PDCD6: variants seen among roughly 807,000 people sequenced by gnomAD.
PDCD6 encodes programmed cell death 6, also known as programmed cell death protein 6.
Under a neutral mutation model 28.3 loss-of-function variants are expected in PDCD6, and 12 were observed. The ratio of observed to expected loss-of-function variants is 0.42; its 90% CI spans 0.27 to 0.69. The LOEUF is 0.69. Among genes scored for constraint, PDCD6 ranks in the 30% least tolerant of loss-of-function variants. The pLI is 0.22. For missense variants in PDCD6, 226 were observed against 269.9 expected, an observed-to-expected ratio of 0.84 and a Z score of 1.14; for synonymous variants, 92 against 108.0, an observed-to-expected ratio of 0.85 and a Z score of 0.92.
At chr5:277,263 C>CT (rs201840882) in intron 2 of PDCD6, among the ~76,000 whole-genome samples, 2,480 of 150,214 alleles carry the variant, frequency 0.017, 63 homozygotes, top group African/African-American at 0.058. Flanking sequence ...GTAGCTGGGA[C>CT]TACAGGTGCC....
chr5:284,871 C>T (rs1425119630), intron 2 of PDCD6, among the ~76,000 whole-genome samples: 4 of 145,728 alleles, frequency 2.7e-5, no homozygotes, highest in Admixed American at 6.9e-5. Flanking sequence ...GCTGGAGACC[C>T]CGCGGGAAGC....
rs748016780 is a variant in PDCD6, at chr5:306,588, C to G, written c.209-14C>G. On this transcript the variant is annotated splice_polypyrimidine_tract_variant and intron_variant, in intron 3 of 5. Transcript: ENST00000264933. ...ACTGATCTTTTGCTGCTTGACCGTTCCTCTCTGTCTCAGCCATGTTTGACC... is the reference window on the plus strand; with the variant it reads ...ACTGATCTTTTGCTGCTTGACCGTTGCTCTCTGTCTCAGCCATGTTTGACC... The G allele has an allele frequency of 7.4e-6, 12 of 1,611,142 alleles. No individual in the cohort carries two copies. The Admixed American group carries it at 1.8e-4, about 25-fold the overall frequency.
At chr5:308,042 C>T (rs888001817) in intron 4 of PDCD6, among the ~76,000 whole-genome samples, 5 of 152,276 alleles carry the variant, frequency 3.3e-5, no homozygotes, top group South Asian at 2.1e-4. Flanking sequence ...TTCCCTGGGG[C>T]AGGTACGGAA....
chr5:298,477 T>G lies in PDCD6; in HGVS notation c.164-5700T>G, dbSNP rs560172772. ...GGAGGGGACGGGAGGCCTGGCAAAC[T>G]CTCCTCCCCAGCTCCGTTCCAAGCT... is the stretch of plus-strand genomic sequence containing the variant. On this transcript the variant is annotated intron_variant, in intron 2 of 5. Transcript: ENST00000264933. Among the ~76,000 whole-genome samples, 11 of 151,916 alleles carry G rather than the reference T, an allele frequency of 7.2e-5. No homozygotes were observed. In the South Asian group the frequency reaches 1.9e-3, roughly 26 times the overall value.
chr5:298,461 G>A (rs1370815300), intron 2 of PDCD6, among the ~76,000 whole-genome samples: 4 of 151,936 alleles, frequency 2.6e-5, no homozygotes, highest in African/African-American at 4.8e-5. Context: ...AGGAGGGGAC[G>A]GGAGGCCTGG....
intron 2 of PDCD6, among the ~76,000 whole-genome samples, chr5:280,731 G>T (rs1338453947): frequency 1.3e-5 from 2 of 150,482 alleles, no homozygotes; most frequent in Non-Finnish European, 3.0e-5. Flanking sequence ...GTAGGCTGTG[G>T]ATGGGAGCTG....
At position 303,173 on chromosome 5, in the gene PDCD6, G is replaced by A. The variant is rs1170029830; in HGVS notation, c.164-1004G>A. 4.6e-5 allele frequency among the ~76,000 whole-genome samples: 7 copies of A among 151,994 alleles called. No homozygotes were observed. The East Asian group carries it at 7.7e-4, about 17-fold the overall frequency. On this transcript the variant is annotated intron_variant, in intron 2 of 5. Transcript: ENST00000264933. Reference sequence around the variant, plus strand: ...CCCCATGAGCCCAGAGTGGTGGCACGTAGAGGCCTAAGGGACCATGCCAGC... The same window carrying A: ...CCCCATGAGCCCAGAGTGGTGGCACATAGAGGCCTAAGGGACCATGCCAGC...
intron 2 of PDCD6, among the ~76,000 whole-genome samples, chr5:286,476 T>A (rs1354481257): frequency 6.6e-6 from 1 of 151,578 alleles, no homozygotes; most frequent in Admixed American, 6.6e-5. Flanking sequence ...GGGGAGGAGC[T>A]GATGTTCTTG....
chr5:276,862 CAG>C lies in PDCD6; in HGVS notation c.163+4091_163+4092del, dbSNP rs1402423498. 4 of 985,360 alleles carry C rather than the reference CAG, an allele frequency of 4.1e-6. No homozygotes were observed. The African/African-American group carries it at 7.0e-5, about 17-fold the overall frequency. 61.0% of individuals were successfully genotyped at this position (985,360 alleles called of 1,614,324 possible). ...GAGAGCTGCTAAAAATTACTGCTCT[CAG>C]GGAGGTCTGTGGTGAACAGGTATGA... On this transcript the variant is annotated intron_variant, in intron 2 of 5. Coordinates refer to ENST00000264933, the MANE Select transcript of PDCD6 (RefSeq NM_013232.4).
chr5:288,254 A>G (rs1196115852), intron 2 of PDCD6, among the ~76,000 whole-genome samples: 1 of 149,156 alleles, frequency 6.7e-6, no homozygotes, highest in East Asian at 1.9e-4. Flanking sequence ...ATGGAAACAG[A>G]AAAATATAAC....
chr5:285,387 G>A (rs1375959208), intron 2 of PDCD6, among the ~76,000 whole-genome samples: 2 of 151,794 alleles, frequency 1.3e-5, no homozygotes, highest in East Asian at 3.9e-4. Context: ...GGGCGGAGCT[G>A]ATATTCCAGT....
At chr5:302,124 C>T (rs1217503083) in intron 2 of PDCD6, among the ~76,000 whole-genome samples, 4 of 103,606 alleles carry the variant, frequency 3.9e-5, no homozygotes, top group African/African-American at 1.3e-4. Context: ...GGTTCAGGTG[C>T]ACCTGCCTTT....
intron 2 of PDCD6, among the ~76,000 whole-genome samples, chr5:296,975 C>A (rs1168874170): frequency 1.3e-5 from 2 of 152,210 alleles, no homozygotes; most frequent in Admixed American, 6.5e-5. Flanking sequence ...CCCGACCCCC[C>A]ACGCACACCG....
At chr5:296,349 C>T (rs563001909) in intron 2 of PDCD6, among the ~76,000 whole-genome samples, 1 of 152,250 alleles carries the variant, frequency 6.6e-6, no homozygotes, top group African/African-American at 2.4e-5. Context: ...TCTGCTCTCT[C>T]GCCACAGAGG....
rs1560860970 is a variant in PDCD6, at chr5:306,641, G to C, written c.248G>C (p.Ser83Thr). Residue 83 changes from serine (S) to threonine (T), a missense_variant, in exon 4 of 6, where the codon AGC becomes ACC. Ser to Thr is a moderately conservative substitution (Grantham distance 58). Around this residue, in one of 3 missense-constraint regions of PDCD6, gnomAD observed 151 missense variants for 177.2 expected, o/e 0.85. Transcript: ENST00000264933. ...GAGAACAAGGCCGGCGTGAACTTCA[G>C]CGAGTTCACGGGTGTGTGGAAGTAC... The part of the protein sequence containing the change: ...DRENKAGVNF[S>T]EFTGVWKYIT... 4 of 1,613,822 alleles carry C rather than the reference G, an allele frequency of 2.5e-6. No individual in the cohort carries two copies. Among genetic ancestry groups the C allele is most frequent in the Non-Finnish European group, 3.4e-6 (4 of 1,179,944 alleles).
chr5:271,753 GGC>G lies in PDCD6; in HGVS notation c.34_35del (p.Ala12ArgfsTer25). On this transcript the variant is annotated frameshift_variant, in exon 1 of 6. Coordinates refer to ENST00000264933, the MANE Select transcript of PDCD6 (RefSeq NM_013232.4). Reference sequence around the variant, plus strand: ...CCTACTCTTACCGCCCCGGCCCTGGGGCCGGCCCTGGGCCTGCTGCAGGCGCG... The same window carrying G: ...CCTACTCTTACCGCCCCGGCCCTGGGCGGCCCTGGGCCTGCTGCAGGCGCG... ...AAYSYRPGPGAGPGPAAGAAL... is the reference protein window; with the variant it reads ...AAYSYRPGPGXGPGPAAGAAL... 2 of 1,178,032 alleles carry G rather than the reference GGC, an allele frequency of 1.7e-6. No individual in the cohort carries two copies. Among genetic ancestry groups the G allele is most frequent in the Non-Finnish European group, 2.3e-6 (2 of 873,282 alleles). The allele number at this position is 1,178,032 out of a possible 1,614,324, so 73.0% of individuals were successfully genotyped here. A position where few individuals can be genotyped will look rare whatever the true frequency, so the allele number is the denominator to read the frequency against.
At chr5:272,079 C>T (rs1239744260) in intron 1 of PDCD6, among the ~76,000 whole-genome samples, 1 of 149,730 alleles carries the variant, frequency 6.7e-6, no homozygotes, top group Non-Finnish European at 1.5e-5. Flanking sequence ...GCCGCCCCTG[C>T]CTCCTGCCCG....
intron 2 of PDCD6, among the ~76,000 whole-genome samples, chr5:298,148 G>A (rs1739738181): frequency 6.6e-6 from 1 of 152,186 alleles, no homozygotes; most frequent in South Asian, 2.1e-4. Context: ...GATTTCAGGG[G>A]TAATTCCCAG....
intron 5 of PDCD6, chr5:311,647 G>A (rs1158893936): frequency 2.0e-6 from 1 of 488,796 alleles, no homozygotes; most frequent in Non-Finnish European, 3.7e-6. Flanking sequence ...TATCCGGTGG[G>A]TTATTTACAT....
Sources: gnomAD v4.1 joint callset for allele counts (sites outside exome capture counted in the v4.1 genomes callset) on GRCh38, gnomAD v4.1.1 for gene constraint, gnomAD v4.1.1 regional missense constraint, MANE v1.5 for transcripts, NCBI Gene and HGNC (gene_info 2026-07-23, HGNC 2026-07-21) for gene names.